NUP210: variants seen among roughly 807,000 people sequenced by gnomAD.
NUP210 encodes the protein nucleoporin 210.
Under a neutral mutation model 196.0 loss-of-function variants are expected in NUP210, and 151 were observed. The ratio of observed to expected loss-of-function variants is 0.77; its 90% CI spans 0.67 to 0.88. NUP210 has a LOEUF of 0.88. Ranked by LOEUF, NUP210 falls within the 40% of genes least tolerant of loss-of-function variation. The probability of loss-of-function intolerance (pLI) is 0.00; values close to 1 mark genes in which losing one functional copy is unlikely to be tolerated. For synonymous variants in NUP210, 1,070 were observed against 1,052.7 expected, an observed-to-expected ratio of 1.02 and a Z score of -0.32; for missense variants, 2,314 against 2,493.7, an observed-to-expected ratio of 0.93 and a Z score of 1.53.
chr3:13,403,501 C>G (rs1302590975), intron 1 of NUP210, among the ~76,000 whole-genome samples: 1 of 152,208 alleles, frequency 6.6e-6, no homozygotes, highest in Admixed American at 6.5e-5. Context: ...ATGCCATCGC[C>G]TTGGGGATGA....
chr3:13,413,250 G>A (rs1401845958), intron 1 of NUP210, among the ~76,000 whole-genome samples: 1 of 151,874 alleles, frequency 6.6e-6, no homozygotes, highest in Non-Finnish European at 1.5e-5. Flanking sequence ...GGCGGATCAC[G>A]AGGTCAGGAG....
chr3:13,398,105 C>G (rs1267588030), intron 2 of NUP210, among the ~76,000 whole-genome samples: 1 of 152,174 alleles, frequency 6.6e-6, no homozygotes, highest in African/African-American at 2.4e-5. Context: ...GTGTGGTTTT[C>G]TTGCACAGCA....
chr3:13,384,151 C>T lies in NUP210; in HGVS notation c.817+2124G>A, dbSNP rs543127774. On this transcript the variant is annotated intron_variant, in intron 6 of 39. Coordinates refer to ENST00000254508, the MANE Select transcript of NUP210 (RefSeq NM_024923.4). ...CCAATTTTTGTATTTTTAGTAGAGG[C>T]GGGGTTTCACCATGTTGGTCAGGCT... 4.0e-3 allele frequency among the ~76,000 whole-genome samples: 605 copies of T among 152,046 alleles called. 5 individuals carry two copies. Among genetic ancestry groups the T allele is most frequent in the African/African-American group, 0.014 (590 of 41,490 alleles).
intron 37 of NUP210, 116 bp from the exon 38 acceptor site, chr3:13,319,441 G>A: frequency 1.1e-6 from 1 of 895,902 alleles, no homozygotes; most frequent in Non-Finnish European, 1.8e-6. Flanking sequence ...TTAGATGTAA[G>A]GATGGTGGTC....
At chr3:13,346,524 CAG>C (rs1697735414) in intron 20 of NUP210, among the ~76,000 whole-genome samples, 1 of 152,184 alleles carries the variant, frequency 6.6e-6, no homozygotes, top group Non-Finnish European at 1.5e-5. Flanking sequence ...TCTGTCAAGT[CAG>C]AGATGACAAA....
At chr3:13,397,303 G>C (rs1699690023) in intron 3 of NUP210, 54 bp downstream of exon 3, 3 of 1,575,968 alleles carry the variant, frequency 1.9e-6, no homozygotes, top group Admixed American at 1.9e-5. Context: ...AGTCATGGTG[G>C]GGGGATGATC....
At position 13,343,059 on chromosome 3, in the gene NUP210, G is replaced by A; in HGVS notation, c.2964+116C>T. 3 of 1,244,896 alleles carry A rather than the reference G, an allele frequency of 2.4e-6. No homozygotes were observed. In the East Asian group the frequency reaches 7.0e-5, roughly 29 times the overall value. 77.1% of individuals were successfully genotyped at this position (1,244,896 alleles called of 1,614,324 possible). ...CAGCTCCGCAAGCTCACAGGGGAAG[G>A]GATGCAGACCACAGGAGCAAAAGCA... is the stretch of plus-strand genomic sequence containing the variant. On this transcript the variant is annotated intron_variant, in intron 21 of 39. Transcript: ENST00000254508.
intron 13 of NUP210, among the ~76,000 whole-genome samples, chr3:13,366,516 CTTTTTTTTTTT>C (rs58529748): frequency 9.0e-6 from 1 of 110,854 alleles, no homozygotes; most frequent in Non-Finnish European, 1.8e-5. Flanking sequence ...TGATTTCTTT[CTTTTTTTTTTT>C]TTTTTTTTGA....
intron 1 of NUP210, among the ~76,000 whole-genome samples, chr3:13,401,258 T>TTAAAAAAAA (rs1162470689): frequency 6.1e-5 from 1 of 16,506 alleles, no homozygotes; most frequent in Non-Finnish European, 1.0e-4. Context: ...AGACTCTGGC[T>TTAAAAAAAA]CAAAAAAAAA....
intron 2 of NUP210, among the ~76,000 whole-genome samples, chr3:13,397,697 T>TGG (rs1699710579): frequency 6.6e-6 from 1 of 152,164 alleles, no homozygotes; most frequent in South Asian, 2.1e-4. Flanking sequence ...TCACCACCCA[T>TGG]TCTGGCTTTT....
intron 4 of NUP210, among the ~76,000 whole-genome samples, chr3:13,389,768 C>G (rs987778435): frequency 2.0e-5 from 3 of 152,210 alleles, no homozygotes; most frequent in Admixed American, 6.5e-5. Context: ...AAAGACCAGA[C>G]AGTAAACTCC....
intron 1 of NUP210, among the ~76,000 whole-genome samples, chr3:13,417,284 A>G (rs13324502): frequency 0.22 from 33,613 of 152,068 alleles, 5,829 homozygotes; most frequent in African/African-American, 0.49. Flanking sequence ...GGTGACCTCT[A>G]AGGTTCCCCT....
Position 13,319,368 on chromosome 3 carries a change from A to C in NUP210, c.5384-43T>G, listed in dbSNP as rs770228219. 1.3e-5 allele frequency: 19 copies of C among 1,499,006 alleles called. No homozygotes were observed. In the South Asian group the frequency reaches 2.2e-4, roughly 18 times the overall value. The allele number at this position is 1,499,006 out of a possible 1,614,324, so 92.9% of individuals were successfully genotyped here. ...ATGAGTTACCAAAACCACCAGGCCC[A>C]CTGTGGCATCCCATCACGTTCCTGC... On this transcript the variant is annotated intron_variant, in intron 37 of 39. Coordinates refer to ENST00000254508, the MANE Select transcript of NUP210 (RefSeq NM_024923.4).
intron 1 of NUP210, among the ~76,000 whole-genome samples, chr3:13,403,321 T>C (rs187984256): frequency 1.3e-5 from 2 of 152,316 alleles, no homozygotes; most frequent in East Asian, 3.9e-4. Flanking sequence ...GCCCACTTTC[T>C]GGGTCATGCC....
rs1697762881 is a variant in NUP210, at chr3:13,347,006, G to A, written c.2836-3703C>T. ...GACGTGCACCACTGTCCACAGATCA[G>A]TCTCAGGGAAAAGGTGGATGCACCT... is the stretch of plus-strand genomic sequence containing the variant. On this transcript the variant is annotated intron_variant, in intron 20 of 39. Coordinates refer to ENST00000254508, the MANE Select transcript of NUP210 (RefSeq NM_024923.4). The surrounding 1 kb of genome is among the most constrained non-coding windows in gnomAD (Gnocchi z 4.7). 2.0e-6 allele frequency: 2 copies of A among 985,256 alleles called. No homozygotes were observed. The highest frequency in any genetic ancestry group is 1.2e-4 in the Admixed American group (2 of 16,270). 61.0% of individuals were successfully genotyped at this position (985,256 alleles called of 1,614,324 possible).
At chr3:13,380,328 C>A (rs563043630) in intron 6 of NUP210, among the ~76,000 whole-genome samples, 19 of 152,234 alleles carry the variant, frequency 1.2e-4, no homozygotes, top group Middle Eastern at 3.4e-3. Flanking sequence ...TGGGCAGAGA[C>A]CACAAGCACT....
rs550846965 is a variant in NUP210, at chr3:13,321,672, G to A, written c.5079C>T (p.Ala1693=). Residue 1693 remains alanine (A), a synonymous_variant, in exon 36 of 40, where the codon GCC becomes GCT. Transcript: ENST00000254508. ...AEVPFSPGLF[A]DQAEILLSNH... ...TGCTCAAAAGGATTTCAGCCTGGTC[G>A]GCGAAGAGACCTGGGCTGAAGGGCA... The A allele has an allele frequency of 3.9e-4, 634 of 1,614,066 alleles. 5 individuals carry two copies. In the South Asian group the frequency reaches 5.1e-3, roughly 13 times the overall value.
At chr3:13,335,777 C>T (rs2124851293) in intron 27 of NUP210, among the ~76,000 whole-genome samples, 165 bp from the exon 28 acceptor site, 1 of 152,378 alleles carries the variant, frequency 6.6e-6, no homozygotes, top group South Asian at 2.1e-4. Context: ...TCTGCTAACC[C>T]CAGAGCTGTG....
At chr3:13,410,819 G>A (rs971065677) in intron 1 of NUP210, among the ~76,000 whole-genome samples, 9 of 151,620 alleles carry the variant, frequency 5.9e-5, no homozygotes, top group African/African-American at 2.2e-4. Flanking sequence ...TTGGGAGGCT[G>A]AGGCAGGAGA....
Sources: gnomAD v4.1 joint callset for allele counts (sites outside exome capture counted in the v4.1 genomes callset) on GRCh38, gnomAD v4.1.1 for gene constraint, Gnocchi (gnomAD v3.1) non-coding constraint, MANE v1.5 for transcripts, NCBI Gene and HGNC (gene_info 2026-07-23, HGNC 2026-07-21) for gene names.